SOX5: variants seen among roughly 807,000 people sequenced by gnomAD.
SOX5 encodes the protein SRY-box transcription factor 5.
A neutral mutation model predicts 92.0 loss-of-function variants in SOX5; 9 were observed. The observed-to-expected ratio is 0.10, with a 90% CI of 0.06 to 0.17. The LOEUF is 0.17. SOX5 is among the 10% of genes least tolerant of loss of function. The pLI is 1.00. For missense variants in SOX5, 642 were observed against 944.5 expected, an observed-to-expected ratio of 0.68 and a Z score of 4.20; for synonymous variants, 344 against 336.3, an observed-to-expected ratio of 1.02 and a Z score of -0.25.
chr12:24,084,863 G>A (rs538458632), intron 4 of SOX5, among the ~76,000 whole-genome samples: 5 of 152,138 alleles, frequency 3.3e-5, no homozygotes, highest in Non-Finnish European at 7.4e-5. Context: ...CTTAACTATA[G>A]TTATCTTTTT....
At chr12:23,536,720 C>T in intron 13 of SOX5, 51 bp from the exon 14 acceptor site, 3 of 1,375,068 alleles carry the variant, frequency 2.2e-6, no homozygotes, top group Non-Finnish European at 3.1e-6. Context: ...CTAAGCATTC[C>T]AGAAAGTGAT....
intron 3 of SOX5, among the ~76,000 whole-genome samples, chr12:23,831,837 G>A (rs2096327765): frequency 6.6e-6 from 1 of 151,870 alleles, no homozygotes; most frequent in Non-Finnish European, 1.5e-5. Context: ...TCACACACAA[G>A]GAGCACACTC....
chr12:24,501,051 T>G (rs1948145932), intron 1 of SOX5, among the ~76,000 whole-genome samples: 1 of 152,200 alleles, frequency 6.6e-6, no homozygotes, highest in Admixed American at 6.5e-5. Flanking sequence ...GCGGACCCAC[T>G]GCATGATCTG....
At chr12:23,989,817 G>T (rs550030777) in intron 4 of SOX5, among the ~76,000 whole-genome samples, 1 of 152,226 alleles carries the variant, frequency 6.6e-6, no homozygotes, top group East Asian at 1.9e-4. Context: ...CTCTAGAACT[G>T]TAAGAAATAA....
intron 3 of SOX5, among the ~76,000 whole-genome samples, chr12:24,242,853 C>A (rs1594731630): frequency 8.1e-6 from 1 of 123,760 alleles, no homozygotes; most frequent in Admixed American, 9.3e-5. Flanking sequence ...AGCAATTCTA[C>A]TTCTAGTAAT....
chr12:24,485,682 C>T (rs1310943123), intron 1 of SOX5, among the ~76,000 whole-genome samples: 1 of 152,070 alleles, frequency 6.6e-6, no homozygotes, highest in Non-Finnish European at 1.5e-5. Context: ...TAATTGGTAA[C>T]TATTACTATT....
chr12:24,357,249 A>G (rs1354278979), intron 2 of SOX5: 1 of 152,120 alleles, frequency 6.6e-6, no homozygotes, highest in African/African-American at 2.4e-5. Flanking sequence ...GAGGTGAAAT[A>G]TTTAAGAAAT....
intron 1 of SOX5, among the ~76,000 whole-genome samples, chr12:24,465,249 C>T (rs1944097039): frequency 6.6e-6 from 1 of 152,182 alleles, no homozygotes; most frequent in South Asian, 2.1e-4. Context: ...ACAAACTCTC[C>T]AACTGCAGTA....
intron 6 of SOX5, among the ~76,000 whole-genome samples, chr12:23,710,037 A>T (rs368530183): frequency 1.3e-5 from 2 of 152,304 alleles, no homozygotes; most frequent in East Asian, 3.9e-4. Flanking sequence ...TATTATTTGT[A>T]TGCTATTCCA....
chr12:24,487,774 G>A (rs1946663113), intron 1 of SOX5, among the ~76,000 whole-genome samples: 1 of 152,108 alleles, frequency 6.6e-6, no homozygotes, highest in South Asian at 2.1e-4. Context: ...ACTTCTGCCT[G>A]TTTTACTAAA....
intron 7 of SOX5, among the ~76,000 whole-genome samples, chr12:23,642,047 T>C (rs2080138749): frequency 6.6e-6 from 1 of 152,210 alleles, no homozygotes; most frequent in Non-Finnish European, 1.5e-5. Flanking sequence ...CTTTTGAAAC[T>C]GGCCTCTTGC....
Position 24,520,320 on chromosome 12 carries a change from A to G in SOX5, c.-251+42009T>C, listed in dbSNP as rs571217363. Among the ~76,000 whole-genome samples, 4 of 152,220 alleles carry G rather than the reference A, an allele frequency of 2.6e-5. 1 individual carries two copies. The highest frequency in any genetic ancestry group is 9.6e-5 in the African/African-American group (4 of 41,562). On this transcript the variant is annotated intron_variant, in intron 1 of 4. Coordinates refer to the SOX5 transcript ENST00000446891. ...GGTGCACAAATTATTTTTAATTATA[A>G]TATAAAATTCGATAAAAATTTGTTA... is the stretch of plus-strand genomic sequence containing the variant.
intron 4 of SOX5, among the ~76,000 whole-genome samples, chr12:24,099,572 C>T (rs1471479123): frequency 1.3e-5 from 2 of 151,950 alleles, no homozygotes; most frequent in African/African-American, 4.8e-5. Flanking sequence ...GTAGTGAGTC[C>T]AGGAGGGTGA....
chr12:23,583,571 T>C (rs1453407822), intron 9 of SOX5, among the ~76,000 whole-genome samples: 1 of 152,110 alleles, frequency 6.6e-6, no homozygotes, highest in African/African-American at 2.4e-5. Context: ...TAATGGTTAT[T>C]TTGTCCTATA....
intron 4 of SOX5, among the ~76,000 whole-genome samples, chr12:24,196,501 T>C (rs1325978201): frequency 6.6e-6 from 1 of 152,166 alleles, no homozygotes; most frequent in Non-Finnish European, 1.5e-5. Flanking sequence ...AAGATAAAGT[T>C]AACTTTTTTA....
chr12:24,098,503 T>C (rs574907176), intron 4 of SOX5, among the ~76,000 whole-genome samples: 1 of 152,244 alleles, frequency 6.6e-6, no homozygotes, highest in Non-Finnish European at 1.5e-5. Flanking sequence ...ACCTGTAAAT[T>C]ATAGGACTTA....
At chr12:23,610,853 A>G (rs1322039097) in intron 8 of SOX5, among the ~76,000 whole-genome samples, 1 of 152,164 alleles carries the variant, frequency 6.6e-6, no homozygotes, top group Non-Finnish European at 1.5e-5. Context: ...AAATGGGTGA[A>G]GATTATTTGA....
intron 4 of SOX5, among the ~76,000 whole-genome samples, chr12:24,120,815 C>T (rs1381260230): frequency 1.3e-5 from 2 of 152,164 alleles, no homozygotes; most frequent in African/African-American, 4.8e-5. Context: ...ATTGATTTAT[C>T]CACCGTTTTT....
intron 4 of SOX5, among the ~76,000 whole-genome samples, chr12:24,125,845 A>T (rs145776304): frequency 2.0e-3 from 307 of 152,194 alleles, no homozygotes; most frequent in African/African-American, 7.2e-3. Flanking sequence ...TCTCTTCTCC[A>T]CCCACACCAT....
Sources: allele counts gnomAD v4.1 joint callset (sites outside exome capture counted in the v4.1 genomes callset), GRCh38; gene constraint gnomAD v4.1.1; transcripts MANE v1.5; gene names NCBI Gene and HGNC (gene_info 2026-07-23, HGNC 2026-07-21).